The following TCTN1 variants were observed in gnomAD, a reference collection of about 807,000 sequenced individuals.
TCTN1 encodes tectonic family member 1.
TCTN1 carries 58 observed loss-of-function variants against 65.8 expected under a neutral mutation model. That is an observed-to-expected ratio of 0.88 (90% confidence interval 0.71 to 1.10). The LOEUF (loss-of-function observed/expected upper bound fraction) is 1.10, where lower values mean the gene tolerates loss of function less well. TCTN1 is among the 50% of genes least tolerant of loss of function. The probability of loss-of-function intolerance (pLI) is 0.00; values close to 1 mark genes in which losing one functional copy is unlikely to be tolerated. For missense variants in TCTN1, 645 were observed against 719.4 expected (o/e 0.90, Z 1.18); for synonymous variants, 273 against 289.1 (o/e 0.94, Z 0.57).
chr12:110,647,852 A>G lies in TCTN1; in HGVS notation c.1739A>G (p.Asn580Ser), dbSNP rs757300709. The G allele has an allele frequency of 1.7e-5, 28 of 1,614,062 alleles. No individual in the cohort carries two copies. The South Asian group carries it at 2.7e-4, about 16-fold the overall frequency. ...EAGFRAPPAI[N>S]ARLPFNFFFP... ...GGCTTCAGAGCTCCACCAGCCATCA[A>G]TGCCAGGCTGCCCTTTAACTTCTTC... Residue 580 changes from asparagine to serine, a missense_variant, in exon 14 of 15, where the codon AAT (asparagine) becomes AGT (serine). Physicochemically the swap from Asn to Ser is conservative, Grantham distance 46 (BLOSUM62 1). Coordinates refer to ENST00000397659, the MANE Select transcript of TCTN1 (RefSeq NM_001082538.3).
chr12:110,647,663 G>A (rs773015900), intron 13 of TCTN1, 86 bp from the exon 14 acceptor site: 5 of 1,591,628 alleles, frequency 3.1e-6, no homozygotes, highest in South Asian at 1.1e-5. Context: ...CAGTAGTTGG[G>A]TGAGGAAGAG....
chr12:110,647,791 G>C lies in TCTN1; in HGVS notation c.1678G>C (p.Val560Leu), dbSNP rs1226572599. ...AAGGACGATTCTTATTTCCACTGCGGTTACTTTTGTGGATGTGTCTGCACC... is the reference window on the plus strand; with the variant it reads ...AAGGACGATTCTTATTTCCACTGCGCTTACTTTTGTGGATGTGTCTGCACC... ...NERTILISTA[V>L]TFVDVSAPAE... Residue 560 changes from valine to leucine, a missense_variant, in exon 14 of 15, where the codon GTT becomes CTT. Transcript: ENST00000397659. 1 of 1,614,064 alleles carries C rather than the reference G, an allele frequency of 6.2e-7. No homozygotes were observed. Among genetic ancestry groups the C allele is most frequent in the African/African-American group, 1.3e-5 (1 of 74,914 alleles).
rs1048954004 is a variant in TCTN1 at position 110,644,736 on chromosome 12, G to A, written c.1332-231G>A. 1.7e-6 allele frequency: 1 copy of A among 581,992 alleles called. No individual in the cohort carries two copies. Among genetic ancestry groups the A allele is most frequent in the Non-Finnish European group, 3.0e-6 (1 of 328,760 alleles). 36.1% of individuals were successfully genotyped at this position (581,992 alleles called of 1,614,324 possible). ...AAAAACAAAAAACTGCTGGTGGGCT[G>A]GGTGTGGTGGCTCACTCCTGTAGTC... On this transcript the variant is annotated intron_variant, in intron 11 of 14. Coordinates refer to ENST00000397659, the MANE Select transcript of TCTN1 (RefSeq NM_001082538.3). The surrounding 1 kb of genome is among the most constrained non-coding windows in gnomAD (Gnocchi z 4.6).
Position 110,644,836 on chromosome 12 carries a change from A to G in TCTN1, c.1332-131A>G, listed in dbSNP as rs2136169778. The G allele has an allele frequency of 3.3e-6, 4 of 1,214,494 alleles. No homozygotes were observed. Among genetic ancestry groups the G allele is most frequent in the Middle Eastern group, 2.6e-4 (1 of 3,890 alleles). 75.2% of individuals were successfully genotyped at this position (1,214,494 alleles called of 1,614,324 possible). A position where few individuals can be genotyped will look rare whatever the true frequency, so the allele number is the denominator to read the frequency against. ...AGCTATGATGGTGCCACTGCACTCC[A>G]GCTTGGGCATCAGAGTGAGACCTTA... On this transcript the variant is annotated intron_variant, in intron 11 of 14. Coordinates refer to ENST00000397659, the MANE Select transcript of TCTN1 (RefSeq NM_001082538.3). This position sits in a 1 kb window ranked among gnomAD's most constrained non-coding sequence, Gnocchi z 4.6.
Position 110,640,327 on chromosome 12 carries a change from T to A in TCTN1, c.844-56T>A, listed in dbSNP as rs1391826508. ...GTTTCTTTCCAGTTGGTTGGTTATT[T>A]TAGCCCATCCTCCCTGGGTAGAGCA... On this transcript the variant is annotated intron_variant, in intron 7 of 14. Transcript: ENST00000397659. The surrounding 1 kb of genome is among the most constrained non-coding windows in gnomAD (Gnocchi z 4.9). The A allele has an allele frequency of 6.2e-7, 1 of 1,613,198 alleles. No homozygotes were observed. Among genetic ancestry groups the A allele is most frequent in the East Asian group, 2.2e-5 (1 of 44,862 alleles).
In TCTN1 at chr12:110,621,837, G is replaced by A. The variant is rs568175085; in HGVS notation, c.341+1881G>A. Among the ~76,000 whole-genome samples the A allele has an allele frequency of 6.9e-3, 1,039 of 150,268 alleles. 1 individual carries two copies. The highest frequency in any genetic ancestry group is 9.4e-3 in the Non-Finnish European group (635 of 67,602). ...AGCTCCTGCCACATAGTGGGCCCTC[G>A]TTAAGAATGAGTTGAATTGGCTGGG... On this transcript the variant is annotated intron_variant, in intron 2 of 14. Coordinates refer to ENST00000397659, the MANE Select transcript of TCTN1 (RefSeq NM_001082538.3).
intron 2 of TCTN1, among the ~76,000 whole-genome samples, chr12:110,624,105 A>G (rs897710815): frequency 7.3e-6 from 1 of 137,152 alleles, no homozygotes; most frequent in Non-Finnish European, 1.6e-5. Context: ...TTTTTTTTTT[A>G]GAGACAAAAT....
chr12:110,628,322 G>A, intron 3 of TCTN1: 1 of 1,216,484 alleles, frequency 8.2e-7, no homozygotes, highest in Non-Finnish European at 1.1e-6. Flanking sequence ...CCTGGGAGAA[G>A]TGAATATGGA....
At position 110,644,265 on chromosome 12, in the gene TCTN1, CTG is replaced by C. The variant is rs2067153052; in HGVS notation, c.1332-700_1332-699del. On this transcript the variant is annotated intron_variant, in intron 11 of 14. Transcript: ENST00000397659. This position sits in a 1 kb window ranked among gnomAD's most constrained non-coding sequence, Gnocchi z 4.6. The stretch of plus-strand genomic sequence containing the variant: ...TCAGTGGAACACAGTTTGGGAAACA[CTG>C]TTTTAGACTCATCATCTCACAGGTA... 3.3e-5 allele frequency: 5 copies of C among 153,020 alleles called. No individual in the cohort carries two copies. Among genetic ancestry groups the C allele is most frequent in the Admixed American group, 3.3e-4 (5 of 15,382 alleles). The allele number at this position is 153,020 out of a possible 1,614,324, so 9.5% of individuals were successfully genotyped here.
intron 14 of TCTN1, chr12:110,648,673 G>T: frequency 5.0e-6 from 1 of 198,240 alleles, no homozygotes; most frequent in Non-Finnish European, 1.0e-5. Flanking sequence ...AATTATAGTG[G>T]AGTCTTGGGT....
intron 11 of TCTN1, chr12:110,643,531 G>A (rs1566005370): frequency 6.6e-6 from 1 of 151,688 alleles, no homozygotes. Flanking sequence ...TGATTTTTTT[G>A]GTTTTATGAA....
chr12:110,634,522 C>G, intron 5 of TCTN1, 148 bp from the exon 6 acceptor site: 1 of 706,088 alleles, frequency 1.4e-6, no homozygotes, highest in South Asian at 1.7e-5. Flanking sequence ...ACTAAAAAAA[C>G]AAAACAAACA....
intron 7 of TCTN1, among the ~76,000 whole-genome samples, chr12:110,637,790 C>T (rs2066677635): frequency 6.6e-6 from 1 of 152,192 alleles, no homozygotes; most frequent in Non-Finnish European, 1.5e-5. Context: ...AAACTGGAAC[C>T]GTCTGTGGGG....
At chr12:110,618,481 C>T (rs1328816206) in intron 1 of TCTN1, among the ~76,000 whole-genome samples, 1 of 152,056 alleles carries the variant, frequency 6.6e-6, no homozygotes, top group Non-Finnish European at 1.5e-5. Context: ...CCTTGTGATC[C>T]GCCTGCCTTG....
intron 3 of TCTN1, among the ~76,000 whole-genome samples, chr12:110,628,455 C>T (rs2065999171): frequency 6.6e-6 from 1 of 151,908 alleles, no homozygotes; most frequent in Non-Finnish European, 1.5e-5. Context: ...ATTCTCCTGC[C>T]TCAGCCTCCC....
chr12:110,630,029 C>T (rs1366921320), intron 4 of TCTN1: 1 of 152,044 alleles, frequency 6.6e-6, no homozygotes, highest in Non-Finnish European at 1.5e-5. Context: ...ACAATGAGAA[C>T]ACATGGACAC....
intron 1 of TCTN1, 154 bp downstream of exon 1, chr12:110,614,556 T>C: frequency 6.9e-7 from 1 of 1,445,332 alleles, no homozygotes; most frequent in Non-Finnish European, 9.4e-7. Context: ...CTCTAAACAA[T>C]AACCCTGAGA....
rs75714509 is a variant in TCTN1, at chr12:110,642,292, A to G, written c.1234A>G (p.Ile412Val). The change falls in exon 11 of 15, where the codon ATT becomes GTT. Residue 412 changes from isoleucine to valine, a missense_variant. Ile to Val is a conservative substitution (Grantham distance 29, BLOSUM62 3). Transcript: ENST00000397659. ...CACAAATAGATATGGACAGCTTACT[A>G]TTCTTCATAGCACAACTGAGCAAGA... ...QTTNRYGQLT[I>V]LHSTTEQDCL... The G allele has an allele frequency of 9.1e-3, 14,659 of 1,614,188 alleles. 73 individuals carry two copies. Among genetic ancestry groups the G allele is most frequent in the Non-Finnish European group, 0.01 (11,972 of 1,180,032 alleles).
chr12:110,645,578 C>T (rs574943025), intron 12 of TCTN1: 24 of 227,026 alleles, frequency 1.1e-4, no homozygotes, highest in African/African-American at 3.0e-4. Flanking sequence ...GACTGACTTC[C>T]GTGCATGTGG....
Sources: allele counts gnomAD v4.1 joint callset (sites outside exome capture counted in the v4.1 genomes callset), GRCh38; gene constraint gnomAD v4.1.1; non-coding constraint Gnocchi (gnomAD v3.1); transcripts MANE v1.5; gene names NCBI Gene and HGNC (gene_info 2026-07-23, HGNC 2026-07-21).